TFEB: variants seen among roughly 807,000 people sequenced by gnomAD.
TFEB encodes transcription factor EB, also known as T-cell transcription factor EB.
In TFEB, 12 loss-of-function variants were observed where a neutral mutation model predicts 48.0. That is an observed-to-expected ratio of 0.25 (90% CI 0.16 to 0.40). TFEB has a LOEUF of 0.40. Ranked by LOEUF, TFEB falls within the 10% of genes least tolerant of loss-of-function variation. TFEB has a pLI of 1.00. For synonymous variants in TFEB, 244 were observed against 261.4 expected (o/e 0.93, Z 0.64); for missense variants, 509 against 640.3 (o/e 0.79, Z 2.21).
At chr6:41,699,839 T>G (rs1769801485) in intron 1 of TFEB, among the ~76,000 whole-genome samples, 1 of 152,240 alleles carries the variant, frequency 6.6e-6, no homozygotes, top group Non-Finnish European at 1.5e-5. Context: ...ACAGTTTTAA[T>G]GCCATGTTTT....
At position 41,684,811 on chromosome 6, in the gene TFEB, C is replaced by T. The variant is rs1361655992; in HGVS notation, c.1219G>A (p.Asp407Asn). Residue 407 changes from aspartate (D) to asparagine (N), a missense_variant, in exon 9 of 9, where the codon GAC (aspartate) becomes AAC (asparagine). By Grantham distance (23) the Asp-to-Asn change is conservative. Transcript: ENST00000373033. ...TCGGGGTAGCCCGGGGGACCCTCGT[C>T]CTCCCTGCCCCCAAAGCTCAGGCTG... ...SHSLSFGGRE[D>N]EGPPGYPEPL... The T allele has an allele frequency of 6.3e-7, 1 of 1,597,384 alleles. No homozygotes were observed. Among genetic ancestry groups the T allele is most frequent in the Non-Finnish European group, 8.5e-7 (1 of 1,171,092 alleles).
chr6:41,722,681 G>A (rs1016609684), intron 1 of TFEB, among the ~76,000 whole-genome samples: 2 of 152,246 alleles, frequency 1.3e-5, no homozygotes, highest in African/African-American at 4.8e-5. Flanking sequence ...ACCTGACATG[G>A]AATAAGGCCA....
chr6:41,687,642 G>T, intron 6 of TFEB, 111 bp downstream of exon 6: 2 of 1,361,216 alleles, frequency 1.5e-6, no homozygotes, highest in Non-Finnish European at 2.1e-6. Context: ...CAAGTGAATT[G>T]GCCTTGAGCA....
chr6:41,730,155 C>A lies in TFEB; in HGVS notation c.-23+5195G>T, dbSNP rs1204228102. 6.6e-6 allele frequency among the ~76,000 whole-genome samples: 1 copy of A among 152,070 alleles called. No individual in the cohort carries two copies. Among genetic ancestry groups the A allele is most frequent in the African/African-American group, 2.4e-5 (1 of 41,400 alleles). On this transcript the variant is annotated intron_variant, in intron 1 of 8. Coordinates refer to ENST00000373033, the MANE Select transcript of TFEB (RefSeq NM_001271944.2). This position sits in a 1 kb window ranked among gnomAD's most constrained non-coding sequence, Gnocchi z 4.1. Reference sequence around the variant, plus strand: ...AAAAATTAAATAAAGATGCCTAGGCCCCTCCCCAAGAGATTCAGATGCAAT... The same window carrying A: ...AAAAATTAAATAAAGATGCCTAGGCACCTCCCCAAGAGATTCAGATGCAAT...
chr6:41,719,766 G>A (rs1387293542), intron 1 of TFEB, among the ~76,000 whole-genome samples: 1 of 152,144 alleles, frequency 6.6e-6, no homozygotes, highest in African/African-American at 2.4e-5. Flanking sequence ...ACTGTTTGAG[G>A]ACCCACAGCT....
In TFEB at chr6:41,684,580, G is replaced by C; in HGVS notation, c.*19C>G. ...GCCCCCAGGCCGGCCCCTGTTCCCT[G>C]GCACAGGGGCAGCCAGGGTCACAGC... On this transcript the variant is annotated 3_prime_UTR_variant, in exon 9 of 9. Coordinates refer to ENST00000373033, the MANE Select transcript of TFEB (RefSeq NM_001271944.2). The C allele has an allele frequency of 6.5e-7, 1 of 1,531,014 alleles. No individual in the cohort carries two copies. Among genetic ancestry groups the C allele is most frequent in the Non-Finnish European group, 8.8e-7 (1 of 1,140,782 alleles). The allele number at this position is 1,531,014 out of a possible 1,614,324, so 94.8% of individuals were successfully genotyped here.
intron 1 of TFEB, among the ~76,000 whole-genome samples, chr6:41,725,426 C>T (rs1442319836): frequency 6.6e-6 from 1 of 152,208 alleles, no homozygotes; most frequent in African/African-American, 2.4e-5. Context: ...GAGTCTCCCC[C>T]TCTCCCCCAC....
intron 1 of TFEB, among the ~76,000 whole-genome samples, chr6:41,695,400 G>C (rs554668464): frequency 6.6e-6 from 1 of 152,356 alleles, no homozygotes; most frequent in Admixed American, 6.5e-5. Context: ...ACCGCTAAAT[G>C]CTTCGTGAAT....
chr6:41,700,126 C>T (rs1394644263), intron 1 of TFEB, among the ~76,000 whole-genome samples: 1 of 152,170 alleles, frequency 6.6e-6, no homozygotes, highest in Non-Finnish European at 1.5e-5. Flanking sequence ...CAAGTGGGGA[C>T]ACTTACTGAG....
In TFEB at chr6:41,689,733, T is replaced by A. The variant is rs755195756; in HGVS notation, c.547A>T (p.Thr183Ser). ...CACCCCACCCTAGCCAGGAGTACCG[T>A]GTTGGGCATCTGCATTTCAGGATTG... ...YINPEMQMPN[T>S]LPLSSSHLNV... The change falls in exon 4 of 9, where the codon ACG becomes TCG. Residue 183 changes from threonine to serine, a missense_variant and splice_region_variant. By Grantham distance (58) the Thr-to-Ser change is moderately conservative (BLOSUM62 1). Around this residue, in one of 4 missense-constraint regions of TFEB, gnomAD observed 251 missense variants for 317.2 expected, o/e 0.79. Transcript: ENST00000373033. 1 of 1,613,326 alleles carries A rather than the reference T, an allele frequency of 6.2e-7. No homozygotes were observed.
chr6:41,734,847 T>G lies in TFEB; in HGVS notation c.-23+503A>C. The G allele has an allele frequency of 1.1e-6, 1 of 944,194 alleles. No individual in the cohort carries two copies. Among genetic ancestry groups the G allele is most frequent in the Non-Finnish European group, 1.3e-6 (1 of 796,674 alleles). 58.5% of individuals were successfully genotyped at this position (944,194 alleles called of 1,614,324 possible). Reference sequence around the variant, plus strand: ...CCGGGGCGTGGCGCCGCTCTGGCCCTCCCACTCCCCCCGCTGGCCTGGCCA... The same window carrying G: ...CCGGGGCGTGGCGCCGCTCTGGCCCGCCCACTCCCCCCGCTGGCCTGGCCA... On this transcript the variant is annotated intron_variant, in intron 1 of 8. Coordinates refer to ENST00000373033, the MANE Select transcript of TFEB (RefSeq NM_001271944.2). The surrounding 1 kb of genome is among the most constrained non-coding windows in gnomAD (Gnocchi z 4.0).
rs549922965 is a variant in TFEB at position 41,706,644 on chromosome 6, G to A, written c.-22-15409C>T. ...CTCCTGCCCTGTCCATGTGCGCTCC[G>A]GCTGGCATTCCCACCCCATCTCTGT... On this transcript the variant is annotated intron_variant, in intron 1 of 8. Transcript: ENST00000373033. 2.4e-4 allele frequency among the ~76,000 whole-genome samples: 37 copies of A among 152,130 alleles called. No homozygotes were observed. In the East Asian group the frequency reaches 5.2e-3, roughly 21 times the overall value.
intron 1 of TFEB, among the ~76,000 whole-genome samples, chr6:41,701,226 G>A (rs1018813306): frequency 1.3e-5 from 2 of 152,198 alleles, no homozygotes; most frequent in African/African-American, 4.8e-5. Context: ...CCCCTTAGCA[G>A]GCAGCCACCT....
At chr6:41,735,315 C>G in intron 1 of TFEB, 35 bp downstream of exon 1, 2 of 984,838 alleles carry the variant, frequency 2.0e-6, no homozygotes, top group African/African-American at 3.5e-5. Context: ...GGTCCCGGGC[C>G]CTCCTCGTGC....
At chr6:41,702,035 G>A (rs560434111) in intron 1 of TFEB, among the ~76,000 whole-genome samples, 52 of 152,178 alleles carry the variant, frequency 3.4e-4, no homozygotes, top group Middle Eastern at 3.4e-3. Context: ...AGGTCTCTCA[G>A]GTATGTGACC....
intron 1 of TFEB, chr6:41,732,602 A>C (rs1561876379): frequency 1.0e-6 from 1 of 985,788 alleles, no homozygotes; most frequent in East Asian, 1.1e-4. Flanking sequence ...ACTCACAACC[A>C]TTACATAAAC....
chr6:41,718,428 G>A (rs1357910444), intron 1 of TFEB, among the ~76,000 whole-genome samples: 1 of 152,000 alleles, frequency 6.6e-6, no homozygotes. Flanking sequence ...GCCCAGGCTG[G>A]TCTTGAACTC....
chr6:41,709,529 G>GTGGATGGA (rs10604830), intron 1 of TFEB, among the ~76,000 whole-genome samples: 25,318 of 149,326 alleles, frequency 0.17, 2,188 homozygotes, highest in East Asian at 0.25. Context: ...ATAATGGTTG[G>GTGGATGGA]TGGATGGATG....
intron 1 of TFEB, chr6:41,733,162 C>T (rs932667570): frequency 1.7e-5 from 8 of 484,396 alleles, no homozygotes; most frequent in Non-Finnish European, 2.2e-5. Flanking sequence ...TGGGAGTCCC[C>T]TTCCACCTAC....
Sources: allele counts gnomAD v4.1 joint callset (sites outside exome capture counted in the v4.1 genomes callset), GRCh38; gene constraint gnomAD v4.1.1; regional missense constraint gnomAD v4.1.1; non-coding constraint Gnocchi (gnomAD v3.1); transcripts MANE v1.5; gene names NCBI Gene and HGNC (gene_info 2026-07-23, HGNC 2026-07-21).